The following DLGAP2 variants were observed in gnomAD, a reference collection of about 807,000 sequenced individuals.
DLGAP2 encodes the protein DLG associated protein 2, also known as disks large-associated protein 2.
Under a neutral mutation model 100.3 loss-of-function variants are expected in DLGAP2, and 26 were observed. The ratio of observed to expected loss-of-function variants is 0.26; its 90% CI spans 0.19 to 0.36. The LOEUF is 0.36. DLGAP2 is among the 10% of genes least tolerant of loss of function. The pLI, the probability that DLGAP2 is intolerant of heterozygous loss-of-function variation, is 1.00. For synonymous variants in DLGAP2, 886 were observed against 630.1 expected (o/e 1.41, Z -6.08); for missense variants, 1,858 against 1,453.2 (o/e 1.28, Z -4.53).
intron 2 of DLGAP2, among the ~76,000 whole-genome samples, chr8:1,134,417 C>A (rs932139249): frequency 1.1e-4 from 17 of 152,244 alleles, no homozygotes; most frequent in Middle Eastern, 3.4e-3. Context: ...ACTCTGTCTT[C>A]CACAATGGTT....
At chr8:1,118,554 C>T (rs1425870542) in intron 2 of DLGAP2, among the ~76,000 whole-genome samples, 1 of 152,132 alleles carries the variant, frequency 6.6e-6, no homozygotes, top group African/African-American at 2.4e-5. Flanking sequence ...AATGGGGCTG[C>T]TGCTGCTGCT....
intron 2 of DLGAP2, among the ~76,000 whole-genome samples, chr8:1,149,797 C>T (rs1358480033): frequency 6.6e-6 from 1 of 152,066 alleles, no homozygotes; most frequent in Non-Finnish European, 1.5e-5. Context: ...TCCACATTTT[C>T]CTCTCTTGAC....
chr8:1,162,330 G>C (rs1005358592), intron 2 of DLGAP2, among the ~76,000 whole-genome samples: 2 of 152,234 alleles, frequency 1.3e-5, no homozygotes, highest in African/African-American at 4.8e-5. Context: ...TTTCTAGCCA[G>C]CGTGAATTGA....
At chr8:1,242,787 G>A (rs1019398126) in intron 2 of DLGAP2, among the ~76,000 whole-genome samples, 6 of 152,176 alleles carry the variant, frequency 3.9e-5, no homozygotes, top group Non-Finnish European at 8.8e-5. Context: ...TGGATAGACG[G>A]ACAGATAGAT....
chr8:1,214,532 G>A (rs1205951097), intron 2 of DLGAP2, among the ~76,000 whole-genome samples: 4 of 152,184 alleles, frequency 2.6e-5, no homozygotes, highest in African/African-American at 4.8e-5. Context: ...ACCCTAACCC[G>A]GAAGTCAGAT....
At chr8:979,518 T>C (rs1204005547) in intron 2 of DLGAP2, among the ~76,000 whole-genome samples, 1 of 152,222 alleles carries the variant, frequency 6.6e-6, no homozygotes, top group African/African-American at 2.4e-5. Context: ...AATCAACTTG[T>C]GAAATTTGAG....
rs1402738118 is a variant in DLGAP2, at chr8:1,419,432, ACT to A, written c.107-81931_107-81930del. ...ACATATTTGTGGGATACTGTGTTAC[ACT>A]CTGATACGTGTGTGTGTGTGTGTGT... On this transcript the variant is annotated intron_variant, in intron 3 of 14. Transcript: ENST00000637795. 1.1e-3 allele frequency among the ~76,000 whole-genome samples: 51 copies of A among 44,628 alleles called. 1 individual carries two copies. Among genetic ancestry groups the A allele is most frequent in the African/African-American group, 5.7e-3 (48 of 8,458 alleles). 29.3% of individuals were successfully genotyped at this position (44,628 alleles called of 152,430 possible). A position where few individuals can be genotyped will look rare whatever the true frequency, so the allele number is the denominator to read the frequency against.
At chr8:1,372,357 C>G (rs1159568798) in intron 3 of DLGAP2, among the ~76,000 whole-genome samples, 2 of 152,216 alleles carry the variant, frequency 1.3e-5, no homozygotes, top group African/African-American at 4.8e-5. Flanking sequence ...GTGCTTCCAA[C>G]ACTTACCGAG....
rs576757317 is a variant in DLGAP2 at position 1,444,283 on chromosome 8, T to C, written c.107-57083T>C. On this transcript the variant is annotated intron_variant, in intron 3 of 14. Transcript: ENST00000637795. ...ATCGTCTTCAATACTATGGCTGAAATATAATTTGCTTAACCAACTCCATAT... is the reference window on the plus strand; with the variant it reads ...ATCGTCTTCAATACTATGGCTGAAACATAATTTGCTTAACCAACTCCATAT... Among the ~76,000 whole-genome samples the C allele has an allele frequency of 4.6e-5, 7 of 152,322 alleles. No homozygotes were observed. The South Asian group carries it at 1.4e-3, about 32-fold the overall frequency.
In DLGAP2 at chr8:1,364,507, G is replaced by T. The variant is rs940125951; in HGVS notation, c.106+105624G>T. 2.1e-4 allele frequency among the ~76,000 whole-genome samples: 32 copies of T among 150,000 alleles called. 1 individual carries two copies. The highest frequency in any genetic ancestry group is 6.4e-4 in the South Asian group (3 of 4,708). On this transcript the variant is annotated intron_variant, in intron 3 of 14. Transcript: ENST00000637795. ...GGCGCCGGTCATGGGAAGGGCGGGG[G>T]GGGTGCAGCGAAGCAGACACATTTT...
chr8:1,380,305 C>T (rs1000014835), intron 3 of DLGAP2: 4 of 152,226 alleles, frequency 2.6e-5, no homozygotes, highest in African/African-American at 9.6e-5. Context: ...GGAGCTCAGG[C>T]TTTGTTACTT....
chr8:1,115,177 T>G (rs746900516), intron 2 of DLGAP2, among the ~76,000 whole-genome samples: 1 of 152,226 alleles, frequency 6.6e-6, no homozygotes, highest in South Asian at 2.1e-4. Context: ...TGTTTTGGGG[T>G]AGAGTGTTCT....
chr8:1,368,149 T>A (rs373645991), intron 3 of DLGAP2, among the ~76,000 whole-genome samples: 1 of 152,208 alleles, frequency 6.6e-6, no homozygotes, highest in African/African-American at 2.4e-5. Flanking sequence ...GTGTATGTAT[T>A]TGTAGTGCAC....
At chr8:794,017 G>A (rs1281706063) in intron 1 of DLGAP2, among the ~76,000 whole-genome samples, 1 of 152,168 alleles carries the variant, frequency 6.6e-6, no homozygotes, top group Admixed American at 6.5e-5. Context: ...GGTGTTTCTA[G>A]CTGCAGGATG....
intron 3 of DLGAP2, among the ~76,000 whole-genome samples, chr8:1,280,775 A>C (rs1211568504): frequency 2.6e-5 from 4 of 152,204 alleles, no homozygotes; most frequent in Admixed American, 6.5e-5. Flanking sequence ...TCAGGTTGCC[A>C]TGCAAGCTTC....
intron 1 of DLGAP2, among the ~76,000 whole-genome samples, chr8:850,849 A>C (rs764639755): frequency 3.0e-4 from 45 of 152,136 alleles, no homozygotes; most frequent in Non-Finnish European, 5.0e-4. Context: ...ACTTTAAAGA[A>C]TTCAGAGGTA....
chr8:1,627,990 G>A (rs4875880), intron 7 of DLGAP2, among the ~76,000 whole-genome samples: 5,046 of 95,516 alleles, frequency 0.053, 167 homozygotes, highest in African/African-American at 0.13. Context: ...GTGGAGCAGG[G>A]ATTAAGAGCT....
intron 4 of DLGAP2, among the ~76,000 whole-genome samples, chr8:1,534,866 A>G (rs992921859): frequency 6.6e-6 from 1 of 152,234 alleles, no homozygotes; most frequent in Non-Finnish European, 1.5e-5. Flanking sequence ...CAGACTTTGC[A>G]CGACCCACTC....
intron 3 of DLGAP2, among the ~76,000 whole-genome samples, chr8:1,348,968 T>G (rs112730683): frequency 0.011 from 1,685 of 152,228 alleles, 12 homozygotes; most frequent in Non-Finnish European, 0.017. Context: ...TCGCCTTCCT[T>G]AGAGATATTT....
Sources: gnomAD v4.1 joint callset for allele counts (sites outside exome capture counted in the v4.1 genomes callset) on GRCh38, gnomAD v4.1.1 for gene constraint, MANE v1.5 for transcripts, NCBI Gene and HGNC (gene_info 2026-07-23, HGNC 2026-07-21) for gene names.